BAZ2B: variants seen among roughly 807,000 people sequenced by gnomAD.
BAZ2B encodes the protein bromodomain adjacent to zinc finger domain protein 2B.
In BAZ2B, 91 loss-of-function variants were observed where a neutral mutation model predicts 246.0. The observed-to-expected ratio is 0.37, with a 90% confidence interval of 0.31 to 0.44. BAZ2B has a LOEUF of 0.44. Among genes scored for constraint, BAZ2B ranks in the 20% least tolerant of loss-of-function variants. BAZ2B has a pLI of 1.00. For synonymous variants in BAZ2B, 855 were observed against 860.0 expected (o/e 0.99, Z 0.10); for missense variants, 2,332 against 2,533.7 (o/e 0.92, Z 1.71).
chr2:159,673,977 C>T, the BAZ2B span, among the ~76,000 whole-genome samples: 117 of 151,938 alleles, frequency 7.7e-4, no homozygotes, highest in Non-Finnish European at 1.4e-3. Context: ...TCATTGATTA[C>T]ATATTTTTGT....
At chr2:159,460,003 A>C (rs1335531361) in intron 3 of BAZ2B, 1 of 152,112 alleles carries the variant, frequency 6.6e-6, no homozygotes, top group Non-Finnish European at 1.5e-5. Context: ...ATATTATTTT[A>C]GTTTCTATTT....
At chr2:159,397,294 CAAT>C (rs1576521211) in intron 19 of BAZ2B, 48 bp downstream of exon 19, 3 of 1,379,536 alleles carry the variant, frequency 2.2e-6, no homozygotes, top group African/African-American at 2.9e-5. Context: ...TAGGTTTAAG[CAAT>C]ATTATAAAAT....
the BAZ2B span, among the ~76,000 whole-genome samples, chr2:159,636,515 A>G: frequency 0.54 from 82,692 of 151,956 alleles, 23,366 homozygotes; most frequent in East Asian, 0.74. Context: ...ACAGAGGGAA[A>G]TCACTCATCG....
upstream of BAZ2B, among the ~76,000 whole-genome samples, chr2:159,619,919 A>T (rs1696364050): frequency 6.6e-6 from 1 of 152,182 alleles, no homozygotes; most frequent in Non-Finnish European, 1.5e-5. Context: ...CATCATCTGT[A>T]TTAGTGCTTC....
rs1189172013 is a variant in BAZ2B at position 159,382,590 on chromosome 2, T to C, written c.3974A>G (p.Lys1325Arg). The part of the protein sequence containing the change: ...DEDEEDKEDK[K>R]GKKTDICEDE... Reference sequence around the variant, plus strand: ...TTCACAGATATCAGTCTTTTTTCCTTTTTTGTCTTCTTTATCTTCTTCATC... The same window carrying C: ...TTCACAGATATCAGTCTTTTTTCCTCTTTTGTCTTCTTTATCTTCTTCATC... The change falls in exon 25 of 37, where the codon AAA (lysine) becomes AGA (arginine). Residue 1325 changes from lysine to arginine, a missense_variant. By Grantham distance (26) the Lys-to-Arg change is conservative (BLOSUM62 2). This residue lies in a region of BAZ2B where 676 missense variants were observed against 668.6 expected (regional missense o/e 1.01). Coordinates refer to ENST00000392783, the MANE Select transcript of BAZ2B (RefSeq NM_013450.4). 3.2e-6 allele frequency: 5 copies of C among 1,552,408 alleles called. No individual in the cohort carries two copies. The highest frequency in any genetic ancestry group is 4.4e-6 in the Non-Finnish European group (5 of 1,147,164).
chr2:159,449,950 C>A (rs779842349), intron 4 of BAZ2B, among the ~76,000 whole-genome samples: 60 of 152,156 alleles, frequency 3.9e-4, no homozygotes, highest in Non-Finnish European at 8.2e-4. Flanking sequence ...GTGAAAGGTT[C>A]ATTTGAGGCC....
At chr2:159,546,357 G>A (rs1462179813) in intron 2 of BAZ2B, among the ~76,000 whole-genome samples, 2 of 151,556 alleles carry the variant, frequency 1.3e-5, no homozygotes, top group East Asian at 3.9e-4. Context: ...CACCATCCAT[G>A]TGAGACGTGA....
At chr2:159,339,553 A>G (rs1482769862) in intron 31 of BAZ2B, among the ~76,000 whole-genome samples, 1 of 152,236 alleles carries the variant, frequency 6.6e-6, no homozygotes, top group Non-Finnish European at 1.5e-5. Flanking sequence ...ACGATCTAGC[A>G]ATTCCATTAG....
chr2:159,381,784 T>G (rs2062023931), intron 25 of BAZ2B, among the ~76,000 whole-genome samples: 1 of 152,212 alleles, frequency 6.6e-6, no homozygotes, highest in Non-Finnish European at 1.5e-5. Context: ...TTGTTGCATA[T>G]GAGACTCCAG....
At chr2:159,695,973 C>T in the BAZ2B span, among the ~76,000 whole-genome samples, 1 of 152,008 alleles carries the variant, frequency 6.6e-6, no homozygotes, top group Non-Finnish European at 1.5e-5. Context: ...GCTGGTCAGA[C>T]TAGTCTTGAA....
chr2:159,702,678 T>C, the BAZ2B span, among the ~76,000 whole-genome samples: 1 of 152,296 alleles, frequency 6.6e-6, no homozygotes, highest in Non-Finnish European at 1.5e-5. Context: ...GGAAATCAAA[T>C]ATTCATTAAA....
rs1277706191 is a variant in BAZ2B, at chr2:159,332,685, T to C, written c.5798A>G (p.Tyr1933Cys). The change falls in exon 34 of 37, where the codon TAC (tyrosine) becomes TGC (cysteine). Residue 1933 changes from tyrosine (Y) to cysteine (C), a missense_variant and splice_region_variant. By Grantham distance (194) the Tyr-to-Cys change is radical. Around this residue, in one of 9 missense-constraint regions of BAZ2B, gnomAD observed 53 missense variants for 62.0 expected, o/e 0.86. Coordinates refer to ENST00000392783, the MANE Select transcript of BAZ2B (RefSeq NM_013450.4). ...ATCTCCCTTTCGACAGATTTGGCAG[T>C]ACTATAATACATGAAAAATCATTTA... ...IAWEKSIMKV[Y>C]CQICRKGDNE... 5 of 1,612,988 alleles carry C rather than the reference T, an allele frequency of 3.1e-6. No homozygotes were observed. In the South Asian group the frequency reaches 5.5e-5, roughly 18 times the overall value.
At chr2:159,473,699 G>C (rs181703969) in intron 3 of BAZ2B, among the ~76,000 whole-genome samples, 29 of 152,178 alleles carry the variant, frequency 1.9e-4, no homozygotes, top group African/African-American at 5.1e-4. Flanking sequence ...TGGGCATTTA[G>C]TGCTATAAAT....
chr2:159,584,048 T>G (rs1687468132), intron 1 of BAZ2B, among the ~76,000 whole-genome samples: 1 of 151,956 alleles, frequency 6.6e-6, no homozygotes, highest in Non-Finnish European at 1.5e-5. Context: ...TGTAGGGTCT[T>G]GTAAAGACTC....
chr2:159,619,455 A>C (rs1372068647), upstream of BAZ2B, among the ~76,000 whole-genome samples: 1 of 151,748 alleles, frequency 6.6e-6, no homozygotes, highest in Non-Finnish European at 1.5e-5. Context: ...AGTTATATGG[A>C]AATCAATAAT....
Position 159,404,835 on chromosome 2 carries a change from ATGTAT to A in BAZ2B, c.2832+9_2832+13del, listed in dbSNP as rs1449704354. 1 of 1,607,374 alleles carries A rather than the reference ATGTAT, an allele frequency of 6.2e-7. No individual in the cohort carries two copies. Among genetic ancestry groups the A allele is most frequent in the African/African-American group, 1.3e-5 (1 of 74,786 alleles). ...TCCCATATTTTAAAAGTCACTTCCA[ATGTAT>A]ACACATACCTGCTGTTTCATAATCT... On this transcript the variant is annotated intron_variant, in intron 16 of 36. Coordinates refer to ENST00000392783, the MANE Select transcript of BAZ2B (RefSeq NM_013450.4).
chr2:159,467,766 G>A (rs1477135830), intron 3 of BAZ2B, among the ~76,000 whole-genome samples: 1 of 137,142 alleles, frequency 7.3e-6, no homozygotes, highest in South Asian at 2.2e-4. Flanking sequence ...AAAGCCCCCT[G>A]AAATACTGGA....
At chr2:159,546,349 C>A (rs1227269848) in intron 2 of BAZ2B, among the ~76,000 whole-genome samples, 1 of 151,634 alleles carries the variant, frequency 6.6e-6, no homozygotes, top group Non-Finnish European at 1.5e-5. Context: ...CTGCCTGCCA[C>A]CATCCATGTG....
At chr2:159,637,046 C>T in the BAZ2B span, among the ~76,000 whole-genome samples, 1 of 152,104 alleles carries the variant, frequency 6.6e-6, no homozygotes, top group Non-Finnish European at 1.5e-5. Context: ...GCAGCAATAC[C>T]GGGGGAGTAC....
Sources: gnomAD v4.1 joint callset for allele counts (sites outside exome capture counted in the v4.1 genomes callset) on GRCh38, gnomAD v4.1.1 for gene constraint, gnomAD v4.1.1 regional missense constraint, MANE v1.5 for transcripts, NCBI Gene and HGNC (gene_info 2026-07-23, HGNC 2026-07-21) for gene names.